SLC30A8: variants seen among roughly 807,000 people sequenced by gnomAD.
SLC30A8 encodes solute carrier family 30 member 8, also known as proton-coupled zinc antiporter SLC30A8.
In SLC30A8, 27 loss-of-function variants were observed where a neutral mutation model predicts 36.9. The ratio of observed to expected loss-of-function variants is 0.73; its 90% CI spans 0.54 to 1.01. SLC30A8 has a LOEUF of 1.01. Ranked by LOEUF, SLC30A8 falls within the 50% of genes least tolerant of loss-of-function variation. The pLI is 0.00. For synonymous variants in SLC30A8, 164 were observed against 172.4 expected (o/e 0.95, Z 0.38); for missense variants, 439 against 452.0 (o/e 0.97, Z 0.26).
intron 2 of SLC30A8, among the ~76,000 whole-genome samples, chr8:117,106,216 C>T (rs1465314385): frequency 2.6e-5 from 4 of 152,068 alleles, no homozygotes; most frequent in Non-Finnish European, 5.9e-5. Flanking sequence ...ATGTGGTTTT[C>T]GAACACTAGG....
rs199875716 is a variant in SLC30A8 at position 117,157,834 on chromosome 8, G to T, written c.562G>T (p.Ala188Ser). The change falls in exon 4 of 8, where the codon GCC becomes TCC. Residue 188 changes from alanine to serine, a missense_variant. Ala to Ser is a moderately conservative substitution (Grantham distance 99). Coordinates refer to ENST00000456015, the MANE Select transcript of SLC30A8 (RefSeq NM_173851.3). ...MIIVSSCAVA[A>S]NIVLTVVLHQ... ...CATCGTTTCCAGCTGCGCAGTGGCGGCCAACATTGTGTAAGTCATCCCCTG... is the reference window on the plus strand; with the variant it reads ...CATCGTTTCCAGCTGCGCAGTGGCGTCCAACATTGTGTAAGTCATCCCCTG... 95 of 1,613,854 alleles carry T rather than the reference G, an allele frequency of 5.9e-5. No homozygotes were observed. The highest frequency in any genetic ancestry group is 7.9e-5 in the Non-Finnish European group (93 of 1,179,956).
At chr8:117,102,255 T>C (rs1431395031) in intron 2 of SLC30A8, among the ~76,000 whole-genome samples, 2 of 152,174 alleles carry the variant, frequency 1.3e-5, no homozygotes, top group Non-Finnish European at 2.9e-5. Flanking sequence ...ATGAAGTGGT[T>C]CTCTGCTTCA....
intron 1 of SLC30A8, among the ~76,000 whole-genome samples, chr8:117,034,233 C>G (rs1270967574): frequency 6.6e-6 from 1 of 151,974 alleles, no homozygotes; most frequent in African/African-American, 2.4e-5. Context: ...TCTTTTAAAT[C>G]AAAGTAATGC....
chr8:117,145,389 T>C (rs549010590), intron 1 of SLC30A8, among the ~76,000 whole-genome samples: 26 of 152,134 alleles, frequency 1.7e-4, no homozygotes, highest in Admixed American at 1.7e-3. Flanking sequence ...AGATTTTCTA[T>C]AATGAATATA....
intron 1 of SLC30A8, among the ~76,000 whole-genome samples, chr8:116,952,143 T>G (rs1279599995): frequency 6.6e-6 from 1 of 151,924 alleles, no homozygotes; most frequent in Admixed American, 6.6e-5. Flanking sequence ...ATCATCTGTA[T>G]TAGGGAGTAA....
intron 2 of SLC30A8, among the ~76,000 whole-genome samples, chr8:117,084,267 A>G (rs1005452598): frequency 1.3e-5 from 2 of 152,156 alleles, no homozygotes; most frequent in African/African-American, 4.8e-5. Context: ...GGAGTCTGCC[A>G]GTCAGAATTT....
intron 2 of SLC30A8, among the ~76,000 whole-genome samples, chr8:117,040,309 C>T (rs149068503): frequency 2.0e-5 from 3 of 152,308 alleles, no homozygotes; most frequent in Non-Finnish European, 4.4e-5. Context: ...CCCCAAATGA[C>T]ATCTGGGTTG....
intron 1 of SLC30A8, among the ~76,000 whole-genome samples, chr8:116,990,106 A>C (rs753520818): frequency 6.6e-6 from 1 of 152,164 alleles, no homozygotes; most frequent in Non-Finnish European, 1.5e-5. Flanking sequence ...ATGATATTTA[A>C]ATTTTTATTA....
chr8:117,021,045 G>T (rs1004408992), intron 1 of SLC30A8, among the ~76,000 whole-genome samples: 1 of 152,132 alleles, frequency 6.6e-6, no homozygotes, highest in African/African-American at 2.4e-5. Flanking sequence ...TCATTCCTGG[G>T]TGGTGAGATT....
At chr8:117,163,613 T>A in intron 6 of SLC30A8, 83 bp downstream of exon 6, 1 of 956,472 alleles carries the variant, frequency 1.0e-6, no homozygotes, top group Non-Finnish European at 1.5e-6. Flanking sequence ...CAAGGCATGC[T>A]CACTGTTAAT....
intron 1 of SLC30A8, 101 bp from the exon 2 acceptor site, chr8:117,146,853 G>A (rs1821920470): frequency 6.5e-7 from 1 of 1,536,134 alleles, no homozygotes; most frequent in African/African-American, 1.4e-5. Flanking sequence ...TAGCAAGTAA[G>A]CAAATGTCCT....
chr8:117,018,396 C>T (rs144056421), intron 1 of SLC30A8: 1 of 151,832 alleles, frequency 6.6e-6, no homozygotes, highest in Non-Finnish European at 1.5e-5. Context: ...TTATATTCTT[C>T]TTTTTTTTAC....
intron 6 of SLC30A8, among the ~76,000 whole-genome samples, chr8:117,167,097 T>C (rs1388583275): frequency 1.3e-5 from 2 of 152,094 alleles, no homozygotes; most frequent in Non-Finnish European, 2.9e-5. Context: ...ATGGAAGTTA[T>C]TGACTTAAAG....
At chr8:117,153,842 T>G (rs968012647) in intron 3 of SLC30A8, among the ~76,000 whole-genome samples, 4 of 152,124 alleles carry the variant, frequency 2.6e-5, no homozygotes, top group Non-Finnish European at 4.4e-5. Context: ...GCCTGCCATT[T>G]ATTAAATGTG....
At chr8:117,172,039 A>G (rs943877490) in intron 7 of SLC30A8, among the ~76,000 whole-genome samples, 4 of 152,126 alleles carry the variant, frequency 2.6e-5, no homozygotes, top group East Asian at 1.9e-4. Context: ...AGGAGACTTT[A>G]CAGCCTGCTG....
chr8:117,161,350 A>G (rs1822782664), intron 4 of SLC30A8, among the ~76,000 whole-genome samples: 1 of 152,168 alleles, frequency 6.6e-6, no homozygotes, highest in South Asian at 2.1e-4. Context: ...AGTACTTTTA[A>G]TTAAGCTCCC....
chr8:117,123,719 A>G (rs1290720641), intron 2 of SLC30A8, among the ~76,000 whole-genome samples: 2 of 152,060 alleles, frequency 1.3e-5, no homozygotes, highest in African/African-American at 4.8e-5. Context: ...GAGTTGTACA[A>G]TATCACATTT....
At chr8:117,133,408 G>A (rs1365994120), upstream of SLC30A8, among the ~76,000 whole-genome samples, 2 of 151,926 alleles carry the variant, frequency 1.3e-5, no homozygotes, top group African/African-American at 4.8e-5. Context: ...ATGTATGTAT[G>A]TATGTCAATT....
chr8:117,067,366 T>A (rs895060380), intron 2 of SLC30A8, among the ~76,000 whole-genome samples: 6 of 152,014 alleles, frequency 3.9e-5, no homozygotes, highest in Non-Finnish European at 8.8e-5. Flanking sequence ...TTTTTTTTTT[T>A]AATCTCTGAA....
Sources: allele counts gnomAD v4.1 joint callset (sites outside exome capture counted in the v4.1 genomes callset), GRCh38; gene constraint gnomAD v4.1.1; transcripts MANE v1.5; gene names NCBI Gene and HGNC (gene_info 2026-07-23, HGNC 2026-07-21).